The following PPIP5K2 variants were observed in gnomAD, a reference collection of about 807,000 sequenced individuals.
The protein encoded by PPIP5K2 is inositol hexakisphosphate and diphosphoinositol-pentakisphosphate kinase 2.
A neutral mutation model predicts 154.6 loss-of-function variants in PPIP5K2; 105 were observed. The ratio of observed to expected loss-of-function variants is 0.68; its 90% CI spans 0.58 to 0.80. The LOEUF (loss-of-function observed/expected upper bound fraction) is 0.80. Among genes scored for constraint, PPIP5K2 ranks in the 30% least tolerant of loss-of-function variants. The pLI is 0.00. For synonymous variants in PPIP5K2, 480 were observed against 490.3 expected (o/e 0.98, Z 0.28); for missense variants, 992 against 1,504.6 (o/e 0.66, Z 5.64).
intron 25 of PPIP5K2, among the ~76,000 whole-genome samples, chr5:103,183,764 A>G (rs1799939438): frequency 6.6e-6 from 1 of 152,198 alleles, no homozygotes; most frequent in South Asian, 2.1e-4. Context: ...ATGTAATTTG[A>G]TTGTAAGAAA....
rs181177221 is a variant in PPIP5K2 at position 103,207,580 on chromosome 5, A to C, written c.*5946A>C. ...AATTATATTTAATTTTAAAGTCTATATATATATATATATAGATCCTATCTG... is the reference window on the plus strand; with the variant it reads ...AATTATATTTAATTTTAAAGTCTATCTATATATATATATAGATCCTATCTG... On this transcript the variant is annotated 3_prime_UTR_variant, in exon 31 of 31. Coordinates refer to ENST00000358359, the MANE Select transcript of PPIP5K2 (RefSeq NM_001276277.3). 383 of 152,052 alleles carry C rather than the reference A, an allele frequency of 2.5e-3. 1 individual carries two copies. Among genetic ancestry groups the C allele is most frequent in the African/African-American group, 8.8e-3 (367 of 41,520 alleles). 9.4% of individuals were successfully genotyped at this position (152,052 alleles called of 1,614,324 possible). A position where few individuals can be genotyped will look rare whatever the true frequency, so the allele number is the denominator to read the frequency against.
At position 103,186,400 on chromosome 5, in the gene PPIP5K2, A is replaced by G; in HGVS notation, c.3250A>G (p.Thr1084Ala). The change falls in exon 27 of 31, where the codon ACT becomes GCT. Residue 1084 changes from threonine to alanine, a missense_variant. Physicochemically the swap from Thr to Ala is moderately conservative, Grantham distance 58. Transcript: ENST00000358359. ...SAPNLQDYARTHRKKLTSSGC... is the reference protein window; with the variant it reads ...SAPNLQDYARAHRKKLTSSGC... Reference sequence around the variant, plus strand: ...ACCTAACCTACAGGATTATGCTCGTACTCATCGTAAAAAGCTGACCTCTTC... The same window carrying G: ...ACCTAACCTACAGGATTATGCTCGTGCTCATCGTAAAAAGCTGACCTCTTC... 6 of 1,613,894 alleles carry G rather than the reference A, an allele frequency of 3.7e-6. No individual in the cohort carries two copies. Among genetic ancestry groups the G allele is most frequent in the Non-Finnish European group, 5.1e-6 (6 of 1,179,872 alleles).
At position 103,211,629 on chromosome 5, in the gene PPIP5K2, G is replaced by A. The variant is rs1803813464; in HGVS notation, c.*9995G>A. ...TTTGAAGGCCAGCTTTATTAATCTT[G>A]CCATTAACCCCATAGTTAATCATAT... On this transcript the variant is annotated 3_prime_UTR_variant, in exon 31 of 31. Transcript: ENST00000358359. The A allele has an allele frequency of 6.6e-6, 1 of 152,054 alleles. No homozygotes were observed. The highest frequency in any genetic ancestry group is 2.4e-5 in the African/African-American group (1 of 41,426). 9.4% of individuals were successfully genotyped at this position (152,054 alleles called of 1,614,324 possible).
intron 14 of PPIP5K2, among the ~76,000 whole-genome samples, chr5:103,156,474 C>A (rs1196221593): frequency 6.6e-6 from 1 of 152,132 alleles, no homozygotes; most frequent in Admixed American, 6.5e-5. Flanking sequence ...CAGTCAGTAT[C>A]CACATTCATA....
intron 1 of PPIP5K2, among the ~76,000 whole-genome samples, chr5:103,124,730 A>G (rs769997094): frequency 1.3e-5 from 2 of 152,194 alleles, no homozygotes; most frequent in Non-Finnish European, 2.9e-5. Flanking sequence ...GGGGAAACTG[A>G]AGAGAGTGCT....
chr5:103,123,049 C>T (rs1789038777), intron 1 of PPIP5K2, among the ~76,000 whole-genome samples: 1 of 152,152 alleles, frequency 6.6e-6, no homozygotes, highest in African/African-American at 2.4e-5. Flanking sequence ...TCTGTGGCTT[C>T]ATTAGACAAG....
intron 5 of PPIP5K2, among the ~76,000 whole-genome samples, chr5:103,139,699 A>C (rs1792225303): frequency 6.6e-6 from 1 of 152,240 alleles, no homozygotes; most frequent in South Asian, 2.1e-4. Context: ...ACCAGTTACC[A>C]ATCCTGGAGT....
intron 8 of PPIP5K2, among the ~76,000 whole-genome samples, chr5:103,150,368 A>G (rs28043): frequency 0.018 from 2,737 of 152,316 alleles, 39 homozygotes; most frequent in Non-Finnish European, 0.031. Flanking sequence ...TAGATCAGAA[A>G]GTTCTTAGAG....
intron 1 of PPIP5K2, chr5:103,120,844 T>C (rs985881207): frequency 1.1e-5 from 2 of 185,022 alleles, no homozygotes; most frequent in Non-Finnish European, 2.4e-5. Flanking sequence ...CTGCTGTGGG[T>C]AGAGGTGGCT....
intron 1 of PPIP5K2, among the ~76,000 whole-genome samples, chr5:103,121,681 A>G (rs1788767681): frequency 6.6e-6 from 1 of 152,234 alleles, no homozygotes. Context: ...AGAACCCAGA[A>G]TACTGTACTT....
chr5:103,131,530 A>T (rs1790612175), intron 2 of PPIP5K2, among the ~76,000 whole-genome samples: 1 of 152,114 alleles, frequency 6.6e-6, no homozygotes, highest in Non-Finnish European at 1.5e-5. Flanking sequence ...TCCATGTATC[A>T]CAATTTATTT....
intron 1 of PPIP5K2, among the ~76,000 whole-genome samples, chr5:103,126,766 C>A (rs1554200862): frequency 7.7e-6 from 1 of 130,226 alleles, no homozygotes; most frequent in Admixed American, 7.9e-5. Flanking sequence ...TTTTTTCTGT[C>A]TGCCTTATAT....
chr5:103,155,854 G>A, intron 13 of PPIP5K2, 55 bp from the exon 14 acceptor site: 1 of 1,120,620 alleles, frequency 8.9e-7, no homozygotes. Flanking sequence ...GCATGAATAT[G>A]TGAGAATTAG....
chr5:103,201,820 G>A lies in PPIP5K2; in HGVS notation c.*186G>A. 1 of 545,874 alleles carries A rather than the reference G, an allele frequency of 1.8e-6. No individual in the cohort carries two copies. The highest frequency in any genetic ancestry group is 3.6e-5 in the Admixed American group (1 of 27,492). The allele number at this position is 545,874 out of a possible 1,614,324, so 33.8% of individuals were successfully genotyped here. A position where few individuals can be genotyped will look rare whatever the true frequency, so the allele number is the denominator to read the frequency against. On this transcript the variant is annotated 3_prime_UTR_variant, in exon 31 of 31. Transcript: ENST00000358359. ...AACAATGTTTGTTAGCATTCTGTGA[G>A]CAGCAAAACTTATAGTGATAAAAAT...
rs1797411401 is a variant in PPIP5K2, at chr5:103,168,084, AC to A, written c.2077del (p.His693IlefsTer15). On this transcript the variant is annotated frameshift_variant, in exon 19 of 31. Coordinates refer to ENST00000358359, the MANE Select transcript of PPIP5K2 (RefSeq NM_001276277.3). LOFTEE classifies it high-confidence loss of function. ...TATGTTGTTTTAGATATTCAGCTTT[AC>A]CATAGTGAAACATTGGAGCTTATGC... ...EDPKSSDIQLYHSETLELMLR... is the reference protein window; with the variant it reads ...EDPKSSDIQLXHSETLELMLR... 1 of 1,602,970 alleles carries A rather than the reference AC, an allele frequency of 6.2e-7. No individual in the cohort carries two copies. Among genetic ancestry groups the A allele is most frequent in the Admixed American group, 1.7e-5 (1 of 58,834 alleles).
At chr5:103,138,352 A>G in intron 4 of PPIP5K2, 32 bp from the exon 5 acceptor site, 1 of 1,315,230 alleles carries the variant, frequency 7.6e-7, no homozygotes, top group East Asian at 2.4e-5. Context: ...ATGGAGCAAT[A>G]AAACAATAAG....
intron 17 of PPIP5K2, among the ~76,000 whole-genome samples, chr5:103,162,367 T>C (rs1229169396): frequency 2.6e-5 from 4 of 151,562 alleles, no homozygotes; most frequent in Non-Finnish European, 5.9e-5. Context: ...TTTTTTTTGT[T>C]TTTTTGTTTT....
intron 28 of PPIP5K2, among the ~76,000 whole-genome samples, 189 bp downstream of exon 28, chr5:103,187,565 C>T (rs1800593521): frequency 6.6e-6 from 1 of 152,072 alleles, no homozygotes; most frequent in South Asian, 2.1e-4. Flanking sequence ...CTGTAATTCA[C>T]ATAATAATTT....
rs367619357 is a variant in PPIP5K2 at position 103,133,598 on chromosome 5, C to T, written c.260C>T (p.Pro87Leu). 8 of 1,611,236 alleles carry T rather than the reference C, an allele frequency of 5.0e-6. No individual in the cohort carries two copies. The highest frequency in any genetic ancestry group is 6.8e-6 in the Non-Finnish European group (8 of 1,179,004). ...VFEEEVILNE[P>L]VENWPLCDCL... ...GAAGAGGAGGTTATTTTGAATGAAC[C>T]AGTGGAAAACTGGCCTTTATGTGAT... Residue 87 changes from proline (P) to leucine (L), a missense_variant, in exon 3 of 31, where the codon CCA becomes CTA. Around this residue, in one of 9 missense-constraint regions of PPIP5K2, gnomAD observed 153 missense variants for 200.4 expected, o/e 0.76. Coordinates refer to ENST00000358359, the MANE Select transcript of PPIP5K2 (RefSeq NM_001276277.3).
Sources: gnomAD v4.1 joint callset for allele counts (sites outside exome capture counted in the v4.1 genomes callset) on GRCh38, gnomAD v4.1.1 for gene constraint, gnomAD v4.1.1 regional missense constraint, MANE v1.5 for transcripts, NCBI Gene and HGNC (gene_info 2026-07-23, HGNC 2026-07-21) for gene names.